PSMB3: variants seen among roughly 807,000 people sequenced by gnomAD.
The protein encoded by PSMB3 is proteasome subunit beta type-3.
Under a neutral mutation model 23.3 loss-of-function variants are expected in PSMB3, and 5 were observed. The observed-to-expected ratio is 0.21, with a 90% confidence interval of 0.11 to 0.45. The LOEUF (loss-of-function observed/expected upper bound fraction) is 0.45. Ranked by LOEUF, PSMB3 falls within the 20% of genes least tolerant of loss-of-function variation. PSMB3 has a pLI of 0.99. For missense variants in PSMB3, 192 were observed against 277.9 expected (o/e 0.69, Z 2.20); for synonymous variants, 85 against 99.8 (o/e 0.85, Z 0.88).
At chr17:38,758,355 T>C (rs1446913739) in intron 3 of PSMB3, among the ~76,000 whole-genome samples, 1 of 152,056 alleles carries the variant, frequency 6.6e-6, no homozygotes, top group Non-Finnish European at 1.5e-5. Context: ...ATTATTATTA[T>C]TTTTTTGAGA....
intron 2 of PSMB3, 42 bp downstream of exon 2, chr17:38,753,376 G>C (rs1183358992): frequency 6.3e-7 from 1 of 1,586,932 alleles, no homozygotes; most frequent in East Asian, 2.2e-5. Context: ...GCCTCTTCTT[G>C]GACCATCCAA....
chr17:38,763,989 C>G (rs1238052215), intron 5 of PSMB3, 130 bp from the exon 6 acceptor site: 3 of 924,252 alleles, frequency 3.2e-6, no homozygotes, highest in Non-Finnish European at 5.1e-6. Context: ...CACCTAGAGG[C>G]AGCGGGCAGC....
intron 1 of PSMB3, 42 bp from the exon 2 acceptor site, chr17:38,753,108 G>A (rs910936419): frequency 6.4e-7 from 1 of 1,560,024 alleles, no homozygotes. Flanking sequence ...CTGTGGCAGC[G>A]TTTGACCCCC....
chr17:38,754,795 C>A (rs899139762), intron 2 of PSMB3, among the ~76,000 whole-genome samples: 35 of 152,192 alleles, frequency 2.3e-4, no homozygotes, highest in Non-Finnish European at 8.8e-5. Context: ...ATTTCTAAGT[C>A]TCTTTGCTCT....
At chr17:38,758,873 C>T (rs1908319688) in intron 3 of PSMB3, among the ~76,000 whole-genome samples, 2 of 152,080 alleles carry the variant, frequency 1.3e-5, no homozygotes, top group Non-Finnish European at 2.9e-5. Flanking sequence ...GGTGAAACCC[C>T]GTCTGTACTA....
chr17:38,760,865 C>T (rs1908405556), intron 4 of PSMB3, among the ~76,000 whole-genome samples: 1 of 152,172 alleles, frequency 6.6e-6, no homozygotes, highest in East Asian at 1.9e-4. Flanking sequence ...ATTGGGTTTA[C>T]AGGGTTCTCG....
At chr17:38,757,914 A>G (rs1470229214) in intron 3 of PSMB3, among the ~76,000 whole-genome samples, 2 of 152,152 alleles carry the variant, frequency 1.3e-5, no homozygotes, top group Admixed American at 1.3e-4. Context: ...TCAGCCTCCC[A>G]AAGTGCTGGG....
intron 1 of PSMB3, 61 bp from the exon 2 acceptor site, chr17:38,753,089 G>A (rs1039161336): frequency 6.6e-7 from 1 of 1,505,908 alleles, no homozygotes; most frequent in African/African-American, 1.4e-5. Flanking sequence ...TCAGGAGCTG[G>A]GCCGGGGGCT....
At chr17:38,761,128 T>A (rs965069095) in intron 4 of PSMB3, among the ~76,000 whole-genome samples, 2 of 151,786 alleles carry the variant, frequency 1.3e-5, no homozygotes, top group Non-Finnish European at 2.9e-5. Context: ...GGCAAGCAGA[T>A]CACCTGAGGT....
intron 5 of PSMB3, 139 bp from the exon 6 acceptor site, chr17:38,763,979 CA>C: frequency 1.2e-6 from 1 of 841,074 alleles, no homozygotes; most frequent in South Asian, 1.6e-5. Context: ...AGGATAGTTA[CA>C]CCTAGAGGCA....
chr17:38,764,224 C>T lies in PSMB3; in HGVS notation c.*57C>T, dbSNP rs1908586067. 1.3e-6 allele frequency: 2 copies of T among 1,550,786 alleles called. No individual in the cohort carries two copies. The highest frequency in any genetic ancestry group is 1.8e-6 in the Non-Finnish European group (2 of 1,138,850). On this transcript the variant is annotated 3_prime_UTR_variant, in exon 6 of 6. Transcript: ENST00000619426. ...TTTTGAAATAAAATAGCCTGTCTTT[C>T]ACTCCTGCTTTTGTCTTTGATGCTT...
intron 5 of PSMB3, among the ~76,000 whole-genome samples, chr17:38,763,497 C>CTTTTTT (rs67563765): frequency 6.6e-5 from 5 of 76,060 alleles, no homozygotes; most frequent in African/African-American, 2.0e-4. Flanking sequence ...CTTCTTCCCC[C>CTTTTTT]TTTTTTTTTT....
At chr17:38,757,405 G>A (rs1049967396) in intron 3 of PSMB3, among the ~76,000 whole-genome samples, 91 of 152,036 alleles carry the variant, frequency 6.0e-4, no homozygotes, top group African/African-American at 2.0e-3. Context: ...TGTAATCCCA[G>A]CCACTCGGGA....
At chr17:38,755,654 AAAAAAAT>A (rs1276735401) in intron 2 of PSMB3, among the ~76,000 whole-genome samples, 1,816 of 78,648 alleles carry the variant, frequency 0.023, 65 homozygotes, top group African/African-American at 0.086. Flanking sequence ...TCTAAAAAAA[AAAAAAAT>A]ATATATATAT....
intron 2 of PSMB3, among the ~76,000 whole-genome samples, chr17:38,755,576 C>T (rs1166184890): frequency 6.7e-6 from 1 of 149,004 alleles, no homozygotes; most frequent in Non-Finnish European, 1.5e-5. Context: ...ACCCGGGTGG[C>T]GGAGCTTGCA....
chr17:38,753,483 C>CA, intron 2 of PSMB3, 149 bp downstream of exon 2: 2 of 637,016 alleles, frequency 3.1e-6, no homozygotes, highest in Non-Finnish European at 5.1e-6. Flanking sequence ...CCTTCCCTTT[C>CA]TTTTTTTTTT....
At position 38,752,951 on chromosome 17, in the gene PSMB3, G is replaced by A; in HGVS notation, c.3+122G>A. The stretch of plus-strand genomic sequence containing the variant: ...GAAGGAAGCGGTTTCAGTTCGAGGG[G>A]AGCGGGCCCCGGTGAGGACCAAGAG... On this transcript the variant is annotated intron_variant, in intron 1 of 5. Transcript: ENST00000619426. This position sits in a 1 kb window ranked among gnomAD's most constrained non-coding sequence, Gnocchi z 5.5. The A allele has an allele frequency of 6.9e-7, 1 of 1,450,400 alleles. No individual in the cohort carries two copies. The highest frequency in any genetic ancestry group is 9.5e-7 in the Non-Finnish European group (1 of 1,056,116). The allele number at this position is 1,450,400 out of a possible 1,614,324, so 89.8% of individuals were successfully genotyped here. A position where few individuals can be genotyped will look rare whatever the true frequency, so the allele number is the denominator to read the frequency against.
At position 38,755,876 on chromosome 17, in the gene PSMB3, A is replaced by G. The variant is rs779903048; in HGVS notation, c.189-7A>G. ...TGACTTACTAACTCACTTTTCTCCT[A>G]CCTCAGTGCCCAGCGCCTCAAGTTC... is the stretch of plus-strand genomic sequence containing the variant. On this transcript the variant is annotated splice_polypyrimidine_tract_variant and splice_region_variant and intron_variant, in intron 2 of 5. Coordinates refer to ENST00000619426, the MANE Select transcript of PSMB3 (RefSeq NM_002795.4). The G allele has an allele frequency of 6.8e-6, 11 of 1,612,626 alleles. No homozygotes were observed. The South Asian group carries it at 9.9e-5, about 14-fold the overall frequency.
intron 3 of PSMB3, 50 bp downstream of exon 3, chr17:38,756,040 T>A: frequency 7.2e-7 from 1 of 1,385,446 alleles, no homozygotes; most frequent in Non-Finnish European, 1.0e-6. Context: ...TCTTTGAATG[T>A]AGTATGGAGT....
Sources: allele counts gnomAD v4.1 joint callset (sites outside exome capture counted in the v4.1 genomes callset), GRCh38; gene constraint gnomAD v4.1.1; non-coding constraint Gnocchi (gnomAD v3.1); transcripts MANE v1.5; gene names NCBI Gene and HGNC (gene_info 2026-07-23, HGNC 2026-07-21).